Variants in SYTL1 observed in about 807,000 individuals in gnomAD.
The protein encoded by SYTL1 is synaptotagmin-like protein 1.
Under a neutral mutation model 74.6 loss-of-function variants are expected in SYTL1, and 53 were observed. That is an observed-to-expected ratio of 0.71 (90% CI 0.57 to 0.89). The LOEUF is 0.89. Ranked by LOEUF, SYTL1 falls within the 40% of genes least tolerant of loss-of-function variation. The pLI is 0.00. For missense variants in SYTL1, 728 were observed against 768.7 expected, an observed-to-expected ratio of 0.95 and a Z score of 0.63; for synonymous variants, 329 against 324.9, an observed-to-expected ratio of 1.01 and a Z score of -0.14.
At chr1:27,353,106 C>G (rs2015343638) in intron 13 of SYTL1, 177 bp from the exon 14 acceptor site, 1 of 659,100 alleles carries the variant, frequency 1.5e-6, no homozygotes, top group South Asian at 1.9e-5. Flanking sequence ...ACTTTTAAAG[C>G]CAGGAGACCT....
rs1179310735 is a variant in SYTL1, at chr1:27,349,138, C to T, written c.518C>T (p.Ser173Phe). ...AAGGCTTCAGATCCTGAGGAGGCGT[C>T]CCAGGCCCAGGAAGGTGAGTGGGAG... is the stretch of plus-strand genomic sequence containing the variant. Reference protein sequence around the residue: ...PLKASDPEEASQAQEDPGQGD... With the variant: ...PLKASDPEEAFQAQEDPGQGD... Residue 173 changes from serine (S) to phenylalanine (F), a missense_variant, in exon 6 of 15, where the codon TCC becomes TTC. Coordinates refer to ENST00000616558, the MANE Select transcript of SYTL1 (RefSeq NM_001193308.2). 7 of 1,613,996 alleles carry T rather than the reference C, an allele frequency of 4.3e-6. No homozygotes were observed. The highest frequency in any genetic ancestry group is 2.2e-5 in the East Asian group (1 of 44,878).
Position 27,350,002 on chromosome 1 carries a change from G to A in SYTL1, c.778G>A (p.Asp260Asn). 6.4e-7 allele frequency: 1 copy of A among 1,566,478 alleles called. No individual in the cohort carries two copies. Residue 260 changes from aspartate to asparagine, a missense_variant, in exon 9 of 15, where the codon GAC becomes AAC. Physicochemically the swap from Asp to Asn is conservative, Grantham distance 23. Transcript: ENST00000616558. The surrounding 1 kb of genome is among the most constrained non-coding windows in gnomAD (Gnocchi z 6.3). Reference sequence around the variant, plus strand: ...CGGCAGCCAGATGAGCCTGTCAGGCGACGCGGAGGCGGTGCAGGTCCGCGG... The same window carrying A: ...CGGCAGCCAGATGAGCCTGTCAGGCAACGCGGAGGCGGTGCAGGTCCGCGG... ...LSGSQMSLSG[D>N]AEAVQVRGSV...
Position 27,353,926 on chromosome 1 carries a change from A to C in SYTL1, c.*74A>C. 1 of 1,411,418 alleles carries C rather than the reference A, an allele frequency of 7.1e-7. No homozygotes were observed. Among genetic ancestry groups the C allele is most frequent in the Non-Finnish European group, 9.8e-7 (1 of 1,019,710 alleles). 87.4% of individuals were successfully genotyped at this position (1,411,418 alleles called of 1,614,324 possible). ...GCTAAAGTCAATAAAGTCTATTCTA[A>C]GAGCAATAAAAGGCTGGTGTCTGCT... On this transcript the variant is annotated 3_prime_UTR_variant, in exon 15 of 15. Coordinates refer to ENST00000616558, the MANE Select transcript of SYTL1 (RefSeq NM_001193308.2).
At position 27,350,138 on chromosome 1, in the gene SYTL1, T is replaced by G. The variant is rs1050525410; in HGVS notation, c.908+6T>G. 3.6e-5 allele frequency: 50 copies of G among 1,397,338 alleles called. No homozygotes were observed. The highest frequency in any genetic ancestry group is 4.6e-6 in the Non-Finnish European group (5 of 1,077,252). The allele number at this position is 1,397,338 out of a possible 1,614,324, so 86.6% of individuals were successfully genotyped here. On this transcript the variant is annotated splice_donor_region_variant and intron_variant, in intron 9 of 14. Transcript: ENST00000616558. This position sits in a 1 kb window ranked among gnomAD's most constrained non-coding sequence, Gnocchi z 6.3. Reference sequence around the variant, plus strand: ...CGGCGCCGCCGCTCGGACCCGTGAGTGCCCCGCCGGCCAAGCGGGGCGCGG... The same window carrying G: ...CGGCGCCGCCGCTCGGACCCGTGAGGGCCCCGCCGGCCAAGCGGGGCGCGG...
intron 7 of SYTL1, 74 bp downstream of exon 7, chr1:27,349,572 C>T: frequency 6.7e-7 from 1 of 1,488,276 alleles, no homozygotes; most frequent in Non-Finnish European, 9.0e-7. Context: ...CTGCCCAGGG[C>T]TGCGAGCCGC....
chr1:27,344,099 T>C (rs1039258356), intron 1 of SYTL1, among the ~76,000 whole-genome samples: 1 of 151,838 alleles, frequency 6.6e-6, no homozygotes, highest in African/African-American at 2.4e-5. Flanking sequence ...CCCAGCTAAT[T>C]GTTCTGTTCT....
At chr1:27,353,512 C>T in intron 14 of SYTL1, 24 bp downstream of exon 14, 7 of 1,581,642 alleles carry the variant, frequency 4.4e-6, no homozygotes, top group Non-Finnish European at 6.0e-6. Flanking sequence ...CACCCTGAGA[C>T]AGGCCCTGGG....
Position 27,343,095 on chromosome 1 carries a change from G to C in SYTL1, c.-39+945G>C, listed in dbSNP as rs560164335. The C allele has an allele frequency of 6.6e-6, 1 of 152,490 alleles. No individual in the cohort carries two copies. The highest frequency in any genetic ancestry group is 6.5e-5 in the Admixed American group (1 of 15,284). The allele number at this position is 152,490 out of a possible 1,614,324, so 9.4% of individuals were successfully genotyped here. On this transcript the variant is annotated intron_variant, in intron 1 of 14. Transcript: ENST00000616558. This position sits in a 1 kb window ranked among gnomAD's most constrained non-coding sequence, Gnocchi z 5.2. ...GGCGGACACAAGCCAGGACCTGCCC[G>C]CCAAGCTGCCTCCGCCGGTCTCAGC...
rs979496031 is a variant in SYTL1 at position 27,350,300 on chromosome 1, C to T, written c.909-89C>T. ...AAAGCGCTTAGCACGAGGCCTGGCA[C>T]GTGTTCGGGATGGTGGCTGGGGGAG... is the stretch of plus-strand genomic sequence containing the variant. On this transcript the variant is annotated intron_variant, in intron 9 of 14. Transcript: ENST00000616558. This position sits in a 1 kb window ranked among gnomAD's most constrained non-coding sequence, Gnocchi z 6.3. 10 of 1,490,486 alleles carry T rather than the reference C, an allele frequency of 6.7e-6. No individual in the cohort carries two copies. The highest frequency in any genetic ancestry group is 1.7e-5 in the Admixed American group (1 of 59,806). The allele number at this position is 1,490,486 out of a possible 1,614,324, so 92.3% of individuals were successfully genotyped here. A position where few individuals can be genotyped will look rare whatever the true frequency, so the allele number is the denominator to read the frequency against.
Position 27,348,809 on chromosome 1 carries a change from G to C in SYTL1, c.460-271G>C, listed in dbSNP as rs536762294. ...AAAAAAAGGAGTGAGAAAGGAATGG[G>C]ACTGGCCTGGCCTGGCAGAGGTGGA... On this transcript the variant is annotated intron_variant, in intron 5 of 14. Coordinates refer to ENST00000616558, the MANE Select transcript of SYTL1 (RefSeq NM_001193308.2). This position sits in a 1 kb window ranked among gnomAD's most constrained non-coding sequence, Gnocchi z 4.1. 4.6e-5 allele frequency among the ~76,000 whole-genome samples: 7 copies of C among 152,340 alleles called. No individual in the cohort carries two copies. The East Asian group carries it at 1.2e-3, about 25-fold the overall frequency.
Position 27,351,524 on chromosome 1 carries a change from C to A in SYTL1, c.1312C>A (p.Arg438=). ...VKEARDLLPL[R]AGSLDTYVQC... is the part of the protein sequence containing the mutation. ...GGAGGCTCGGGACCTCCTGCCGCTG[C>A]GGGCAGGATCCCTGGACACTTACGT... The change falls in exon 13 of 15, where the codon CGG becomes AGG. Residue 438 remains arginine, a synonymous_variant. Coordinates refer to ENST00000616558, the MANE Select transcript of SYTL1 (RefSeq NM_001193308.2). This position sits in a 1 kb window ranked among gnomAD's most constrained non-coding sequence, Gnocchi z 5.0. The A allele has an allele frequency of 6.5e-7, 1 of 1,547,852 alleles. No homozygotes were observed. The highest frequency in any genetic ancestry group is 8.7e-7 in the Non-Finnish European group (1 of 1,145,232).
intron 7 of SYTL1, 65 bp from the exon 8 acceptor site, chr1:27,349,587 G>T: frequency 6.6e-7 from 1 of 1,525,752 alleles, no homozygotes; most frequent in South Asian, 1.2e-5. Flanking sequence ...AGCCGCCCGC[G>T]ACCCAGGGCG....
rs974744478 is a variant in SYTL1, at chr1:27,348,865, G to A, written c.460-215G>A. On this transcript the variant is annotated intron_variant, in intron 5 of 14. Transcript: ENST00000616558. The surrounding 1 kb of genome is among the most constrained non-coding windows in gnomAD (Gnocchi z 4.1). Reference sequence around the variant, plus strand: ...CAGGTACGAATGACCCCACCAATGGGAGTAGGGAGTCAGGCGGCACAAGCC... The same window carrying A: ...CAGGTACGAATGACCCCACCAATGGAAGTAGGGAGTCAGGCGGCACAAGCC... 1.3e-5 allele frequency among the ~76,000 whole-genome samples: 2 copies of A among 152,238 alleles called. No individual in the cohort carries two copies. The highest frequency in any genetic ancestry group is 6.5e-5 in the Admixed American group (1 of 15,278).
At position 27,350,132 on chromosome 1, in the gene SYTL1, CG is replaced by C; in HGVS notation, c.908+1del. 1 of 1,396,676 alleles carries C rather than the reference CG, an allele frequency of 7.2e-7. No individual in the cohort carries two copies. Among genetic ancestry groups the C allele is most frequent in the Non-Finnish European group, 9.3e-7 (1 of 1,077,388 alleles). 86.5% of individuals were successfully genotyped at this position (1,396,676 alleles called of 1,614,324 possible). Reference sequence around the variant, plus strand: ...GCCGCCCGGCGCCGCCGCTCGGACCCGTGAGTGCCCCGCCGGCCAAGCGGGG... The same window carrying C: ...GCCGCCCGGCGCCGCCGCTCGGACCCTGAGTGCCCCGCCGGCCAAGCGGGG... On this transcript the variant is annotated splice_donor_variant, in intron 9 of 14. Transcript: ENST00000616558. LOFTEE classifies it high-confidence loss of function. The surrounding 1 kb of genome is among the most constrained non-coding windows in gnomAD (Gnocchi z 6.3).
In SYTL1 at chr1:27,351,248, C is replaced by A; in HGVS notation, c.1165-10C>A. 2 of 1,554,326 alleles carry A rather than the reference C, an allele frequency of 1.3e-6. No homozygotes were observed. Among genetic ancestry groups the A allele is most frequent in the Non-Finnish European group, 1.7e-6 (2 of 1,150,056 alleles). On this transcript the variant is annotated splice_polypyrimidine_tract_variant and intron_variant, in intron 11 of 14. Coordinates refer to ENST00000616558, the MANE Select transcript of SYTL1 (RefSeq NM_001193308.2). The surrounding 1 kb of genome is among the most constrained non-coding windows in gnomAD (Gnocchi z 5.0). ...TAGCCCCTGCTCCACGATAAGCCCG[C>A]CTCTCGCAGGTCCCACCCTCTCCCG... is the stretch of plus-strand genomic sequence containing the variant.
Position 27,343,683 on chromosome 1 carries a change from C to T in SYTL1, c.-39+1533C>T, listed in dbSNP as rs1350812704. ...CCATGTGTGTGCAGGCATATTTCTG[C>T]ATTTAATTAATCAAACTTTTACCAA... On this transcript the variant is annotated intron_variant, in intron 1 of 14. Coordinates refer to ENST00000616558, the MANE Select transcript of SYTL1 (RefSeq NM_001193308.2). The surrounding 1 kb of genome is among the most constrained non-coding windows in gnomAD (Gnocchi z 5.2). Among the ~76,000 whole-genome samples the T allele has an allele frequency of 1.3e-5, 2 of 152,032 alleles. No homozygotes were observed. Among genetic ancestry groups the T allele is most frequent in the Non-Finnish European group, 2.9e-5 (2 of 67,996 alleles).
Position 27,342,837 on chromosome 1 carries a change from C to A in SYTL1, c.-39+687C>A, listed in dbSNP as rs1054997561. ...GAGGGACGTGGGCTCACACCCCAAT[C>A]CACAGGGGAGGCCGAACGTGGGCTC... On this transcript the variant is annotated intron_variant, in intron 1 of 14. Transcript: ENST00000616558. The surrounding 1 kb of genome is among the most constrained non-coding windows in gnomAD (Gnocchi z 4.7). Among the ~76,000 whole-genome samples the A allele has an allele frequency of 2.6e-5, 4 of 151,968 alleles. No individual in the cohort carries two copies. Among genetic ancestry groups the A allele is most frequent in the African/African-American group, 9.7e-5 (4 of 41,376 alleles).
In SYTL1 at chr1:27,347,695, G is replaced by C; in HGVS notation, c.341-113G>C. 1 of 1,489,502 alleles carries C rather than the reference G, an allele frequency of 6.7e-7. No homozygotes were observed. Among genetic ancestry groups the C allele is most frequent in the Non-Finnish European group, 9.1e-7 (1 of 1,096,192 alleles). 92.3% of individuals were successfully genotyped at this position (1,489,502 alleles called of 1,614,324 possible). A position where few individuals can be genotyped will look rare whatever the true frequency, so the allele number is the denominator to read the frequency against. On this transcript the variant is annotated intron_variant, in intron 3 of 14. Transcript: ENST00000616558. The surrounding 1 kb of genome is among the most constrained non-coding windows in gnomAD (Gnocchi z 4.9). ...CCCCCAGTACTGTGTGTCTTTCAGTGGGCAATGCCCCTCCGTGGGCATGGG... is the reference window on the plus strand; with the variant it reads ...CCCCCAGTACTGTGTGTCTTTCAGTCGGCAATGCCCCTCCGTGGGCATGGG...
At position 27,347,502 on chromosome 1, in the gene SYTL1, G is replaced by A. The variant is rs2015048985; in HGVS notation, c.273G>A (p.Arg91=). ...GDWFQEARSQ[R]HHNAHFGSDL... ...GGTTCCAGGAAGCACGCTCCCAGCG[G>A]CACCACAATGCCCACTTCGGCTCTG... is the stretch of plus-strand genomic sequence containing the variant. The change falls in exon 3 of 15, where the codon CGG becomes CGA. Residue 91 remains arginine, a synonymous_variant. Coordinates refer to ENST00000616558, the MANE Select transcript of SYTL1 (RefSeq NM_001193308.2). The surrounding 1 kb of genome is among the most constrained non-coding windows in gnomAD (Gnocchi z 4.9). 1 of 1,614,118 alleles carries A rather than the reference G, an allele frequency of 6.2e-7. No individual in the cohort carries two copies. The highest frequency in any genetic ancestry group is 8.5e-7 in the Non-Finnish European group (1 of 1,180,042).
Sources: gnomAD v4.1 joint callset for allele counts (sites outside exome capture counted in the v4.1 genomes callset) on GRCh38, gnomAD v4.1.1 for gene constraint, Gnocchi (gnomAD v3.1) non-coding constraint, MANE v1.5 for transcripts, NCBI Gene and HGNC (gene_info 2026-07-23, HGNC 2026-07-21) for gene names.